TEX55: variants seen among roughly 807,000 people sequenced by gnomAD.
TEX55 encodes testis-specific expressed protein 55.
TEX55 carries 31 observed loss-of-function variants against 44.6 expected under a neutral mutation model. The ratio of observed to expected loss-of-function variants is 0.69; its 90% confidence interval spans 0.52 to 0.94. The LOEUF is 0.94. Ranked by LOEUF, TEX55 falls within the 40% of genes least tolerant of loss-of-function variation. The pLI is 0.00. For synonymous variants in TEX55, 230 were observed against 230.9 expected (o/e 1.00, Z 0.04); for missense variants, 639 against 638.4 (o/e 1.00, Z -0.01).
chr3:119,149,464 AC>A (rs1336603091), intron 2 of TEX55, among the ~76,000 whole-genome samples: 1 of 152,110 alleles, frequency 6.6e-6, no homozygotes, highest in Non-Finnish European at 1.5e-5. Flanking sequence ...CTTCTGGAAT[AC>A]CCCCTGAAAA....
intron 2 of TEX55, among the ~76,000 whole-genome samples, chr3:119,149,558 CCAG>C (rs1446399769): frequency 2.0e-5 from 3 of 152,152 alleles, no homozygotes; most frequent in African/African-American, 7.2e-5. Flanking sequence ...AGTACATAAA[CCAG>C]CAGCATAGTC....
At position 119,149,810 on chromosome 3, in the gene TEX55, T is replaced by G. The variant is rs563703198; in HGVS notation, c.1543-1414T>G. On this transcript the variant is annotated intron_variant, in intron 2 of 2. Transcript: ENST00000295622. ...TACTTTCAAAAGATGACCAATCTCG[T>G]GACCATCTAAGAAGGCACATTCTCT... Among the ~76,000 whole-genome samples, 5 of 152,324 alleles carry G rather than the reference T, an allele frequency of 3.3e-5. No individual in the cohort carries two copies. The South Asian group carries it at 8.3e-4, about 25-fold the overall frequency.
chr3:119,147,465 G>A lies in TEX55; in HGVS notation c.1276G>A (p.Ala426Thr). Reference sequence around the variant, plus strand: ...TATCCCACCCTACAACCCAGTTGATGCCAGATTCACCAGTAACTTCCAAGC... The same window carrying A: ...TATCCCACCCTACAACCCAGTTGATACCAGATTCACCAGTAACTTCCAAGC... ...TTIPPYNPVD[A>T]RFTSNFQAKD... The change falls in exon 1 of 3, where the codon GCC becomes ACC. Residue 426 changes from alanine (A) to threonine (T), a missense_variant. Coordinates refer to ENST00000295622, the MANE Select transcript of TEX55 (RefSeq NM_152539.3). The A allele has an allele frequency of 1.2e-6, 2 of 1,614,082 alleles. No individual in the cohort carries two copies. The highest frequency in any genetic ancestry group is 2.2e-5 in the South Asian group (2 of 91,060).
chr3:119,149,084 A>T (rs1334102957), intron 2 of TEX55, among the ~76,000 whole-genome samples: 1 of 152,100 alleles, frequency 6.6e-6, no homozygotes, highest in Non-Finnish European at 1.5e-5. Context: ...ATTTTTTAAC[A>T]TATTTTTCTT....
At chr3:119,149,346 G>T (rs571181465) in intron 2 of TEX55, among the ~76,000 whole-genome samples, 1 of 151,966 alleles carries the variant, frequency 6.6e-6, no homozygotes, top group African/African-American at 2.4e-5. Context: ...ATGCCTACAG[G>T]ATCAGGATCA....
At chr3:119,148,078 C>T in intron 1 of TEX55, 102 bp from the exon 2 acceptor site, 1 of 1,027,958 alleles carries the variant, frequency 9.7e-7, no homozygotes, top group Non-Finnish European at 1.4e-6. Context: ...TCTCCAACTC[C>T]TTGTGTTAAG....
Position 119,146,574 on chromosome 3 carries a change from C to T in TEX55, c.385C>T (p.Gln129Ter). The change falls in exon 1 of 3, where the codon CAG (glutamine) becomes TAG (stop). Residue 129 changes from glutamine (Q) to a stop codon, truncating the protein, a stop_gained. Coordinates refer to ENST00000295622, the MANE Select transcript of TEX55 (RefSeq NM_152539.3). LOFTEE classifies it high-confidence loss of function. ...SSQANNVQHE[Q>*]SDGQVSGLTE... The stretch of plus-strand genomic sequence containing the variant: ...CCAAGCTAATAATGTACAGCATGAA[C>T]AGAGTGATGGTCAGGTGTCTGGCCT... The T allele has an allele frequency of 6.2e-7, 1 of 1,613,966 alleles. No individual in the cohort carries two copies. Among genetic ancestry groups the T allele is most frequent in the Non-Finnish European group, 8.5e-7 (1 of 1,180,042 alleles).
intron 2 of TEX55, among the ~76,000 whole-genome samples, chr3:119,150,180 T>A (rs188067694): frequency 2.6e-5 from 4 of 152,282 alleles, no homozygotes; most frequent in Admixed American, 2.6e-4. Flanking sequence ...TGCCTTTTCC[T>A]TTTTCAAACG....
chr3:119,146,304 G>A lies in TEX55; in HGVS notation c.115G>A (p.Ala39Thr), dbSNP rs1487771464. 6.2e-7 allele frequency: 1 copy of A among 1,614,182 alleles called. No homozygotes were observed. The highest frequency in any genetic ancestry group is 1.1e-5 in the South Asian group (1 of 91,076). ...GGAAGAAGACGACCAGAAGAACCAG[G>A]CCGAAAGGAAGGCAGATAACCACAC... ...GQEEDDQKNQ[A>T]ERKADNHTAH... Residue 39 changes from alanine (A) to threonine (T), a missense_variant, in exon 1 of 3, where the codon GCC becomes ACC. Physicochemically the swap from Ala to Thr is moderately conservative, Grantham distance 58. Coordinates refer to ENST00000295622, the MANE Select transcript of TEX55 (RefSeq NM_152539.3).
At position 119,147,071 on chromosome 3, in the gene TEX55, G is replaced by T; in HGVS notation, c.882G>T (p.Leu294Phe). Residue 294 changes from leucine to phenylalanine, a missense_variant, in exon 1 of 3, where the codon TTG becomes TTT. Transcript: ENST00000295622. ...CTTCTGAGCAGACTGACCTCAGATT[G>T]TATGGCCTCGTTGACCACAAAACAT... ...PGTSEQTDLRLYGLVDHKTSV... is the reference protein window; with the variant it reads ...PGTSEQTDLRFYGLVDHKTSV... The T allele has an allele frequency of 6.2e-7, 1 of 1,614,196 alleles. No individual in the cohort carries two copies.
rs2107557214 is a variant in TEX55, at chr3:119,148,236, T to C, written c.1455T>C (p.Tyr485=). Residue 485 remains tyrosine (Y), a synonymous_variant, in exon 2 of 3, where the codon TAT becomes TAC. Transcript: ENST00000295622. ...GTTATCATATACGCAATCAAACTTATAGAAGGTTCCCTTCTATAGTTTATG... is the reference window on the plus strand; with the variant it reads ...GTTATCATATACGCAATCAAACTTACAGAAGGTTCCCTTCTATAGTTTATG... ...GKGYHIRNQT[Y]RRFPSIVYED... is the part of the protein sequence containing the mutation. 2.5e-6 allele frequency: 4 copies of C among 1,612,096 alleles called. No individual in the cohort carries two copies. The highest frequency in any genetic ancestry group is 1.7e-4 in the Middle Eastern group (1 of 5,962).
At chr3:119,148,561 C>G (rs187669419) in intron 2 of TEX55, among the ~76,000 whole-genome samples, 14 of 152,068 alleles carry the variant, frequency 9.2e-5, no homozygotes, top group African/African-American at 3.4e-4. Context: ...GGTTAAATAG[C>G]CAGTCTAGGA....
chr3:119,147,171 A>G lies in TEX55; in HGVS notation c.982A>G (p.Ser328Gly). ...ACACCAGGCTATTGACCAAGCTCATAGTAATGCTGATCAACCTCCAGTTGA... is the reference window on the plus strand; with the variant it reads ...ACACCAGGCTATTGACCAAGCTCATGGTAATGCTGATCAACCTCCAGTTGA... Reference protein sequence around the residue: ...AEHQAIDQAHSNADQPPVDNA... With the variant: ...AEHQAIDQAHGNADQPPVDNA... The change falls in exon 1 of 3, where the codon AGT becomes GGT. Residue 328 changes from serine (S) to glycine (G), a missense_variant. Ser to Gly is a moderately conservative substitution (Grantham distance 56). Transcript: ENST00000295622. The G allele has an allele frequency of 1.2e-6, 2 of 1,614,212 alleles. No homozygotes were observed. Among genetic ancestry groups the G allele is most frequent in the South Asian group, 2.2e-5 (2 of 91,090 alleles).
At chr3:119,148,660 G>C (rs1413201582) in intron 2 of TEX55, among the ~76,000 whole-genome samples, 1 of 152,166 alleles carries the variant, frequency 6.6e-6, no homozygotes, top group Admixed American at 6.5e-5. Flanking sequence ...TTAATAACAA[G>C]GATATCTTCT....
intron 2 of TEX55, among the ~76,000 whole-genome samples, chr3:119,149,667 C>T (rs1029338944): frequency 1.3e-5 from 2 of 152,174 alleles, no homozygotes; most frequent in African/African-American, 2.4e-5. Context: ...AGCTTCACCA[C>T]AGACACATGA....
In TEX55 at chr3:119,147,388, T is replaced by A; in HGVS notation, c.1199T>A (p.Val400Glu). 1 of 1,614,186 alleles carries A rather than the reference T, an allele frequency of 6.2e-7. No individual in the cohort carries two copies. The highest frequency in any genetic ancestry group is 8.5e-7 in the Non-Finnish European group (1 of 1,180,036). Residue 400 changes from valine to glutamate, a missense_variant, in exon 1 of 3, where the codon GTA becomes GAA. By Grantham distance (121) the Val-to-Glu change is moderately radical. Transcript: ENST00000295622. ...CCCTGCAAATTTGAGGATAGCCAAG[T>A]AGACCTCAATTCCAAGCCTTCAGTT... ...VQPCKFEDSQ[V>E]DLNSKPSVEM...
rs751731749 is a variant in TEX55 at position 119,148,337 on chromosome 3, T to C, written c.1542+14T>C. On this transcript the variant is annotated intron_variant, in intron 2 of 2. Transcript: ENST00000295622. ...CAAATATTCCAGGTAAACCTCTCAA[T>C]TCCTCTCTTTAATTATAAGTTTTTC... is the stretch of plus-strand genomic sequence containing the variant. The C allele has an allele frequency of 4.4e-6, 7 of 1,604,798 alleles. No homozygotes were observed. The highest frequency in any genetic ancestry group is 5.1e-6 in the Non-Finnish European group (6 of 1,176,738).
chr3:119,147,066 A>AGATT lies in TEX55; in HGVS notation c.879_882dup (p.Tyr295IlefsTer6). On this transcript the variant is annotated frameshift_variant, in exon 1 of 3. Coordinates refer to ENST00000295622, the MANE Select transcript of TEX55 (RefSeq NM_152539.3). LOFTEE classifies it high-confidence loss of function. ...AGGAACTTCTGAGCAGACTGACCTC[A>AGATT]GATTGTATGGCCTCGTTGACCACAA... is the stretch of plus-strand genomic sequence containing the variant. 1 of 1,614,226 alleles carries AGATT rather than the reference A, an allele frequency of 6.2e-7. No individual in the cohort carries two copies. The highest frequency in any genetic ancestry group is 8.5e-7 in the Non-Finnish European group (1 of 1,180,040).
chr3:119,151,317 T>C lies in TEX55; in HGVS notation c.*25T>C, dbSNP rs148531305. The C allele has an allele frequency of 2.9e-5, 46 of 1,595,650 alleles. No individual in the cohort carries two copies. The East Asian group carries it at 9.2e-4, about 32-fold the overall frequency. Reference sequence around the variant, plus strand: ...GAATTGGAGAAAAAGAACAACCTTTTTATTCTCTTTATTGTAAAATACAGC... The same window carrying C: ...GAATTGGAGAAAAAGAACAACCTTTCTATTCTCTTTATTGTAAAATACAGC... On this transcript the variant is annotated 3_prime_UTR_variant, in exon 3 of 3. Transcript: ENST00000295622.
Sources: gnomAD v4.1 joint callset for allele counts (sites outside exome capture counted in the v4.1 genomes callset) on GRCh38, gnomAD v4.1.1 for gene constraint, MANE v1.5 for transcripts, NCBI Gene and HGNC (gene_info 2026-07-23, HGNC 2026-07-21) for gene names.